Variants in ASB7 observed in about 807,000 individuals in gnomAD.
ASB7 encodes ankyrin repeat and SOCS box protein 7.
Under a neutral mutation model 32.5 loss-of-function variants are expected in ASB7, and 4 were observed. The ratio of observed to expected loss-of-function variants is 0.12; its 90% CI spans 0.06 to 0.28. ASB7 has a LOEUF of 0.28. Among genes scored for constraint, ASB7 ranks in the 10% least tolerant of loss-of-function variants. The pLI is 1.00. For synonymous variants in ASB7, 172 were observed against 155.6 expected (o/e 1.11, Z -0.78); for missense variants, 181 against 407.1 (o/e 0.44, Z 4.78).
rs753045436 is a variant in ASB7, at chr15:100,612,424, G to A, written c.208G>A (p.Gly70Arg). The A allele has an allele frequency of 4.4e-6, 7 of 1,607,864 alleles. No homozygotes were observed. Among genetic ancestry groups the A allele is most frequent in the Non-Finnish European group, 6.0e-6 (7 of 1,174,322 alleles). Residue 70 changes from glycine to arginine, a missense_variant, in exon 4 of 6, where the codon GGA becomes AGA. Transcript: ENST00000332783. ...ERCVRVFLEH[G>R]ADPTVKDLIG... ...ATGTGTTCGGGTTTTTCTAGAACAC[G>A]GAGGTGAGTTTTGTAGAAGCAAATC...
chr15:100,612,034 C>T (rs1875762926), intron 3 of ASB7, 132 bp from the exon 4 acceptor site: 1 of 606,218 alleles, frequency 1.6e-6, no homozygotes, highest in East Asian at 2.9e-5. Flanking sequence ...CCACCACACC[C>T]AGCTAGTAGT....
At chr15:100,608,887 G>A (rs1408385427) in intron 2 of ASB7, among the ~76,000 whole-genome samples, 2 of 152,094 alleles carry the variant, frequency 1.3e-5, no homozygotes, top group East Asian at 1.9e-4. Context: ...CAACTGCTGC[G>A]GGCCAGGTTG....
intron 5 of ASB7, among the ~76,000 whole-genome samples, chr15:100,641,836 C>T (rs1176697572): frequency 6.6e-6 from 1 of 152,202 alleles, no homozygotes; most frequent in Non-Finnish European, 1.5e-5. Flanking sequence ...CTATTGTAAG[C>T]ACTTTTCCAA....
At chr15:100,628,879 A>G (rs1281672260) in intron 4 of ASB7, among the ~76,000 whole-genome samples, 2 of 152,246 alleles carry the variant, frequency 1.3e-5, no homozygotes, top group African/African-American at 2.4e-5. Context: ...ACAATTTGTC[A>G]AGATTACTTG....
intron 5 of ASB7, among the ~76,000 whole-genome samples, chr15:100,633,492 G>A (rs1011741584): frequency 2.0e-5 from 3 of 152,210 alleles, no homozygotes; most frequent in East Asian, 3.9e-4. Context: ...CAGGAGAATC[G>A]CTTGAACCCA....
At position 100,627,450 on chromosome 15, in the gene ASB7, T is replaced by C. The variant is rs75393729; in HGVS notation, c.212-1987T>C. ...TTACAAATGAGATATTTTTCTTACCTTATTTCATGGGCTAATAATCTTTAA... is the reference window on the plus strand; with the variant it reads ...TTACAAATGAGATATTTTTCTTACCCTATTTCATGGGCTAATAATCTTTAA... On this transcript the variant is annotated intron_variant, in intron 4 of 5. Transcript: ENST00000332783. Among the ~76,000 whole-genome samples the C allele has an allele frequency of 4.4e-3, 663 of 152,382 alleles. 2 individuals carry two copies. The highest frequency in any genetic ancestry group is 0.015 in the African/African-American group (629 of 41,590).
intron 2 of ASB7, among the ~76,000 whole-genome samples, chr15:100,606,419 A>C (rs8032720): frequency 0.41 from 62,494 of 152,052 alleles, 12,960 homozygotes; most frequent in South Asian, 0.5. Context: ...AAAGTCATTA[A>C]TGTCTAATCA....
At position 100,638,919 on chromosome 15, in the gene ASB7, CT is replaced by C. The variant is rs1441882482; in HGVS notation, c.817+8879del. Among the ~76,000 whole-genome samples, 6 of 152,262 alleles carry C rather than the reference CT, an allele frequency of 3.9e-5. No homozygotes were observed. The East Asian group carries it at 1.2e-3, about 29-fold the overall frequency. ...ATGTGGTCTCATTGTTAAACTCTCA[CT>C]TATGAGTGAGAACAGAGCATCTTTT... On this transcript the variant is annotated intron_variant, in intron 5 of 5. Transcript: ENST00000332783.
rs1199318538 is a variant in ASB7, at chr15:100,650,171, C to T, written c.*1709C>T. On this transcript the variant is annotated 3_prime_UTR_variant, in exon 6 of 6. Coordinates refer to ENST00000332783, the MANE Select transcript of ASB7 (RefSeq NM_198243.3). ...AGACTCTTTGGCATAGACTCTTTCG[C>T]AGGCAGCCACTCTGAGTGTGGCCAG... The T allele has an allele frequency of 6.6e-6, 1 of 152,276 alleles. No individual in the cohort carries two copies. Among genetic ancestry groups the T allele is most frequent in the African/African-American group, 2.4e-5 (1 of 41,458 alleles). 9.4% of individuals were successfully genotyped at this position (152,276 alleles called of 1,614,324 possible). A position where few individuals can be genotyped will look rare whatever the true frequency, so the allele number is the denominator to read the frequency against.
At chr15:100,636,776 T>C (rs2039926059) in intron 5 of ASB7, among the ~76,000 whole-genome samples, 1 of 152,230 alleles carries the variant, frequency 6.6e-6, no homozygotes, top group Non-Finnish European at 1.5e-5. Flanking sequence ...TTATTTATGT[T>C]AGAATGACGT....
chr15:100,617,706 G>C (rs761150442), intron 4 of ASB7, among the ~76,000 whole-genome samples: 10 of 152,140 alleles, frequency 6.6e-5, no homozygotes, highest in Non-Finnish European at 1.0e-4. Flanking sequence ...TATTATTACA[G>C]CTATCATAAG....
At chr15:100,615,297 C>G (rs1427273388) in intron 4 of ASB7, among the ~76,000 whole-genome samples, 1 of 152,158 alleles carries the variant, frequency 6.6e-6, no homozygotes, top group Non-Finnish European at 1.5e-5. Context: ...TCACATGCCA[C>G]AGAATTCACT....
intron 2 of ASB7, among the ~76,000 whole-genome samples, chr15:100,607,426 G>T (rs556884905): frequency 6.6e-6 from 1 of 152,184 alleles, no homozygotes; most frequent in Non-Finnish European, 1.5e-5. Flanking sequence ...GAAATTACTT[G>T]TTGATGCTTT....
chr15:100,614,597 T>TG (rs772029213), intron 4 of ASB7, among the ~76,000 whole-genome samples: 1 of 150,908 alleles, frequency 6.6e-6, no homozygotes, highest in African/African-American at 2.4e-5. Flanking sequence ...AAACCAATGG[T>TG]GGGGGGAAAA....
At chr15:100,627,937 A>G (rs1433925989) in intron 4 of ASB7, among the ~76,000 whole-genome samples, 3 of 152,232 alleles carry the variant, frequency 2.0e-5, no homozygotes, top group African/African-American at 7.2e-5. Context: ...TTAAGGGCTC[A>G]GCAGTATCTG....
Position 100,638,658 on chromosome 15 carries a change from C to T in ASB7, c.817+8616C>T, listed in dbSNP as rs552624399. Among the ~76,000 whole-genome samples the T allele has an allele frequency of 5.3e-5, 8 of 152,268 alleles. No homozygotes were observed. The South Asian group carries it at 1.2e-3, about 24-fold the overall frequency. On this transcript the variant is annotated intron_variant, in intron 5 of 5. Transcript: ENST00000332783. ...GACGAGTGTGAACAACTTACTTTCACGGCTTACTTTGACAGAGCATCTTTT... is the reference window on the plus strand; with the variant it reads ...GACGAGTGTGAACAACTTACTTTCATGGCTTACTTTGACAGAGCATCTTTT...
Position 100,624,858 on chromosome 15 carries a change from C to A in ASB7, c.212-4579C>A, listed in dbSNP as rs114319716. Among the ~76,000 whole-genome samples, 1,021 of 151,978 alleles carry A rather than the reference C, an allele frequency of 6.7e-3. 16 individuals carry two copies. Among genetic ancestry groups the A allele is most frequent in the African/African-American group, 0.023 (974 of 41,510 alleles). Reference sequence around the variant, plus strand: ...CCAATATTTTTCATGACAATAGATACCAAAATTCCTAACGAAATATTGGCA... The same window carrying A: ...CCAATATTTTTCATGACAATAGATAACAAAATTCCTAACGAAATATTGGCA... On this transcript the variant is annotated intron_variant, in intron 4 of 5. Coordinates refer to ENST00000332783, the MANE Select transcript of ASB7 (RefSeq NM_198243.3).
intron 4 of ASB7, among the ~76,000 whole-genome samples, chr15:100,621,022 G>A (rs910550087): frequency 2.0e-5 from 3 of 152,076 alleles, no homozygotes; most frequent in Non-Finnish European, 2.9e-5. Context: ...ACAGAAGAAC[G>A]GTGAAAAATA....
At chr15:100,624,140 C>CA (rs1241439021) in intron 4 of ASB7, among the ~76,000 whole-genome samples, 1 of 152,120 alleles carries the variant, frequency 6.6e-6, no homozygotes, top group African/African-American at 2.4e-5. Context: ...AGATAGAAAA[C>CA]AGAGGCTGGG....
Sources: gnomAD v4.1 joint callset for allele counts (sites outside exome capture counted in the v4.1 genomes callset) on GRCh38, gnomAD v4.1.1 for gene constraint, MANE v1.5 for transcripts, NCBI Gene and HGNC (gene_info 2026-07-23, HGNC 2026-07-21) for gene names.